Variants in ZBTB41 observed in about 807,000 individuals in gnomAD.
The protein encoded by ZBTB41 is zinc finger and BTB domain-containing protein 41.
A neutral mutation model predicts 87.6 loss-of-function variants in ZBTB41; 42 were observed. The observed-to-expected ratio is 0.48, with a 90% CI of 0.37 to 0.62. The LOEUF is 0.62. Ranked by LOEUF, ZBTB41 falls within the 20% of genes least tolerant of loss-of-function variation. ZBTB41 has a pLI of 0.00. For synonymous variants in ZBTB41, 364 were observed against 364.0 expected, an observed-to-expected ratio of 1.00 and a Z score of 0.00; for missense variants, 799 against 1,078.9, an observed-to-expected ratio of 0.74 and a Z score of 3.63.
chr1:197,178,643 T>G, intron 6 of ZBTB41, 131 bp from the exon 7 acceptor site: 1 of 577,566 alleles, frequency 1.7e-6, no homozygotes, highest in Non-Finnish European at 2.8e-6. Context: ...CTTACAATAA[T>G]TTTGTTCTTT....
chr1:197,169,605 G>GTTTTA, intron 10 of ZBTB41, among the ~76,000 whole-genome samples: 1 of 152,084 alleles, frequency 6.6e-6, no homozygotes, highest in South Asian at 2.1e-4. Context: ...TCTTGGTAGT[G>GTTTTA]TTTTAATATC....
chr1:197,160,075 A>AAC (rs1659162335), intron 10 of ZBTB41, 61 bp from the exon 11 acceptor site: 1 of 1,340,022 alleles, frequency 7.5e-7, no homozygotes, highest in African/African-American at 1.5e-5. Context: ...TAAGACAATG[A>AAC]CTTCAAGTAG....
intron 10 of ZBTB41, among the ~76,000 whole-genome samples, chr1:197,167,393 C>A (rs1659374088): frequency 6.6e-6 from 1 of 152,016 alleles, no homozygotes; most frequent in Non-Finnish European, 1.5e-5. Flanking sequence ...AGGGGTTTTG[C>A]CATGTTTCCC....
chr1:197,188,908 T>C lies in ZBTB41; in HGVS notation c.1399-469A>G, dbSNP rs138530898. ...GTTTTTAAAAAGAGGTAGGCTGCTA[T>C]AGTAACAGCACCAACAATAATGACA... On this transcript the variant is annotated intron_variant, in intron 4 of 10. Coordinates refer to ENST00000367405, the MANE Select transcript of ZBTB41 (RefSeq NM_194314.3). Among the ~76,000 whole-genome samples, 91 of 152,294 alleles carry C rather than the reference T, an allele frequency of 6.0e-4. 1 individual carries two copies. The East Asian group carries it at 0.017, about 28-fold the overall frequency.
rs757660816 is a variant in ZBTB41 at position 197,168,296 on chromosome 1, T to TA, written c.2074+3863dup. Among the ~76,000 whole-genome samples the TA allele has an allele frequency of 5.9e-5, 9 of 152,026 alleles. No individual in the cohort carries two copies. The South Asian group carries it at 8.3e-4, about 14-fold the overall frequency. On this transcript the variant is annotated intron_variant, in intron 10 of 10. Transcript: ENST00000367405. Reference sequence around the variant, plus strand: ...TCACAGACTGGATAATACGATGTTATAAAAAAAATCAGTTAAGGAAACGTT... The same window carrying TA: ...TCACAGACTGGATAATACGATGTTATAAAAAAAAATCAGTTAAGGAAACGTT...
chr1:197,172,145 C>T lies in ZBTB41; in HGVS notation c.2074+15G>A. 1 of 1,238,494 alleles carries T rather than the reference C, an allele frequency of 8.1e-7. No individual in the cohort carries two copies. Among genetic ancestry groups the T allele is most frequent in the Non-Finnish European group, 1.1e-6 (1 of 930,374 alleles). 76.7% of individuals were successfully genotyped at this position (1,238,494 alleles called of 1,614,324 possible). Reference sequence around the variant, plus strand: ...TCTATATATATATATCTATGAACCACTCATTAAATTTTACCTGAATGCGTT... The same window carrying T: ...TCTATATATATATATCTATGAACCATTCATTAAATTTTACCTGAATGCGTT... On this transcript the variant is annotated intron_variant, in intron 10 of 10. Transcript: ENST00000367405.
chr1:197,172,514 A>C (rs543060816), intron 9 of ZBTB41, among the ~76,000 whole-genome samples: 16 of 152,104 alleles, frequency 1.1e-4, no homozygotes, highest in African/African-American at 3.1e-4. Context: ...GTAGATTTTC[A>C]ACTGCTTTAA....
intron 2 of ZBTB41, among the ~76,000 whole-genome samples, chr1:197,194,491 T>C (rs1038910276): frequency 6.6e-6 from 1 of 151,578 alleles, no homozygotes; most frequent in Non-Finnish European, 1.5e-5. Flanking sequence ...TGCATGCAAA[T>C]AAAAATTAAG....
chr1:197,172,160 C>A lies in ZBTB41; in HGVS notation c.2074G>T (p.Gly692Cys). ...CTATGAACCACTCATTAAATTTTAC[C>A]TGAATGCGTTCGAAAATGCATTTCC... ...SLEMHFRTHS[G>C]EKPYKCQICN... is the part of the protein sequence containing the mutation. Residue 692 changes from glycine to cysteine, a missense_variant and splice_region_variant, in exon 10 of 11, where the codon GGT (glycine) becomes TGT (cysteine). Physicochemically the swap from Gly to Cys is radical, Grantham distance 159. Transcript: ENST00000367405. 1 of 1,380,370 alleles carries A rather than the reference C, an allele frequency of 7.2e-7. No homozygotes were observed. Among genetic ancestry groups the A allele is most frequent in the Admixed American group, 2.3e-5 (1 of 43,460 alleles). The allele number at this position is 1,380,370 out of a possible 1,614,324, so 85.5% of individuals were successfully genotyped here.
chr1:197,195,380 G>T (rs1338655547), intron 2 of ZBTB41, among the ~76,000 whole-genome samples: 1 of 152,124 alleles, frequency 6.6e-6, no homozygotes. Context: ...AATTACCAAT[G>T]TTAGATTTTG....
chr1:197,199,264 T>G, intron 2 of ZBTB41, 90 bp downstream of exon 2: 2 of 1,289,790 alleles, frequency 1.6e-6, no homozygotes, highest in Middle Eastern at 2.1e-4. Flanking sequence ...TTTTAGAAGT[T>G]ACTTTCCAAG....
intron 10 of ZBTB41, among the ~76,000 whole-genome samples, chr1:197,167,772 TA>T (rs1448365518): frequency 6.6e-6 from 1 of 152,110 alleles, no homozygotes; most frequent in East Asian, 1.9e-4. Flanking sequence ...AAAAAACCTA[TA>T]AAAAATATCA....
chr1:197,184,845 G>A (rs1042415940), intron 5 of ZBTB41, among the ~76,000 whole-genome samples: 8 of 143,326 alleles, frequency 5.6e-5, no homozygotes, highest in Admixed American at 1.5e-4. Flanking sequence ...ACAGAATTTC[G>A]CTCTTGTTGC....
intron 10 of ZBTB41, among the ~76,000 whole-genome samples, chr1:197,170,443 G>C (rs923496762): frequency 6.6e-6 from 1 of 151,952 alleles, no homozygotes; most frequent in Admixed American, 6.6e-5. Context: ...CTGCTTCCTT[G>C]ATAAAGATAC....
chr1:197,178,345 A>C (rs1461208884), intron 7 of ZBTB41, 72 bp downstream of exon 7: 3 of 1,083,352 alleles, frequency 2.8e-6, no homozygotes, highest in Non-Finnish European at 2.6e-6. Flanking sequence ...CAACAAAGTA[A>C]TAAGAAAATA....
intron 2 of ZBTB41, among the ~76,000 whole-genome samples, chr1:197,198,386 C>A (rs745696243): frequency 2.0e-5 from 3 of 152,250 alleles, no homozygotes; most frequent in Non-Finnish European, 4.4e-5. Context: ...CCTTAAAAAA[C>A]CAATTTCCGC....
intron 10 of ZBTB41, among the ~76,000 whole-genome samples, chr1:197,163,816 A>G (rs1557974619): frequency 6.6e-6 from 1 of 152,062 alleles, no homozygotes; most frequent in Non-Finnish European, 1.5e-5. Flanking sequence ...AAGCTCCAAA[A>G]CCAAAAATAA....
chr1:197,192,851 C>T (rs939704503), intron 2 of ZBTB41, among the ~76,000 whole-genome samples: 1 of 151,832 alleles, frequency 6.6e-6, no homozygotes, highest in Non-Finnish European at 1.5e-5. Flanking sequence ...AATTATGTGT[C>T]TACCCAATAA....
intron 9 of ZBTB41, among the ~76,000 whole-genome samples, chr1:197,174,738 T>C (rs1659561672): frequency 6.6e-6 from 1 of 152,112 alleles, no homozygotes; most frequent in African/African-American, 2.4e-5. Context: ...GCAGTATATT[T>C]AGCTCTCAAA....
Sources: gnomAD v4.1 joint callset for allele counts (sites outside exome capture counted in the v4.1 genomes callset) on GRCh38, gnomAD v4.1.1 for gene constraint, MANE v1.5 for transcripts, NCBI Gene and HGNC (gene_info 2026-07-23, HGNC 2026-07-21) for gene names.